The following KIDINS220 variants were observed in gnomAD, a reference collection of about 807,000 sequenced individuals.
KIDINS220 encodes the protein kinase D-interacting substrate of 220 kDa.
KIDINS220 carries 63 observed loss-of-function variants against 157.6 expected under a neutral mutation model. The ratio of observed to expected loss-of-function variants is 0.40; its 90% CI spans 0.33 to 0.49. KIDINS220 has a LOEUF of 0.49. Ranked by LOEUF, KIDINS220 falls within the 20% of genes least tolerant of loss-of-function variation. The pLI is 0.66. For missense variants in KIDINS220, 1,772 were observed against 2,171.2 expected (o/e 0.82, Z 3.65); for synonymous variants, 732 against 783.6 (o/e 0.93, Z 1.10).
At chr2:8,770,998 G>A (rs1670139905) in intron 21 of KIDINS220, among the ~76,000 whole-genome samples, 166 bp from the exon 22 acceptor site, 1 of 152,056 alleles carries the variant, frequency 6.6e-6, no homozygotes, top group Admixed American at 6.6e-5. Context: ...CCAAAGAGCT[G>A]CATTAAGTAA....
At chr2:8,746,890 T>C in intron 26 of KIDINS220, 3 of 430,626 alleles carry the variant, frequency 7.0e-6, no homozygotes, top group Non-Finnish European at 1.2e-5. Context: ...CCCTTCCTTA[T>C]TGAAGAATAA....
At chr2:8,793,742 T>G (rs1673518842) in intron 12 of KIDINS220, 68 bp downstream of exon 12, 3 of 1,421,002 alleles carry the variant, frequency 2.1e-6, no homozygotes, top group Admixed American at 4.8e-5. Flanking sequence ...CCTGGCCTTA[T>G]TTTCCATATT....
At chr2:8,794,115 T>G in intron 11 of KIDINS220, 128 bp from the exon 12 acceptor site, 1 of 642,544 alleles carries the variant, frequency 1.6e-6, no homozygotes, top group African/African-American at 1.9e-5. Flanking sequence ...AAAGCACATA[T>G]ATAATATGAA....
rs752601709 is a variant in KIDINS220, at chr2:8,731,177, T to C, written c.4859A>G (p.Asp1620Gly). The C allele has an allele frequency of 1.5e-5, 25 of 1,614,092 alleles. No individual in the cohort carries two copies. Among genetic ancestry groups the C allele is most frequent in the Non-Finnish European group, 2.0e-5 (24 of 1,180,056 alleles). The change falls in exon 30 of 30, where the codon GAC (aspartate) becomes GGC (glycine). Residue 1620 changes from aspartate (D) to glycine (G), a missense_variant. By Grantham distance (94) the Asp-to-Gly change is moderately conservative. Transcript: ENST00000256707. The surrounding 1 kb of genome is among the most constrained non-coding windows in gnomAD (Gnocchi z 5.2). ...EKANLIELED[D>G]SHSGKRGIPH... Reference sequence around the variant, plus strand: ...GATTCCCCGCTTTCCGCTGTGACTGTCATCTTCCAGCTCTATGAGATTTGC... The same window carrying C: ...GATTCCCCGCTTTCCGCTGTGACTGCCATCTTCCAGCTCTATGAGATTTGC...
rs993100216 is a variant in KIDINS220 at position 8,730,639 on chromosome 2, T to C, written c.*81A>G. On this transcript the variant is annotated 3_prime_UTR_variant, in exon 30 of 30. Transcript: ENST00000256707. ...TATCTGTCAGCAAAATGTAGAAAGG[T>C]GATGGGCGTGGATGGAGTCAAAATC... The C allele has an allele frequency of 4.1e-5, 61 of 1,503,766 alleles. No homozygotes were observed. Among genetic ancestry groups the C allele is most frequent in the Admixed American group, 3.2e-4 (14 of 43,540 alleles). The allele number at this position is 1,503,766 out of a possible 1,614,324, so 93.2% of individuals were successfully genotyped here.
At chr2:8,833,647 A>G (rs140433983) in intron 1 of KIDINS220, among the ~76,000 whole-genome samples, 112 of 152,278 alleles carry the variant, frequency 7.4e-4, no homozygotes, top group African/African-American at 2.6e-3. Context: ...ACAAGACACT[A>G]TATTTCTTGA....
At chr2:8,824,720 C>T (rs1308648839) in intron 2 of KIDINS220, among the ~76,000 whole-genome samples, 1 of 152,104 alleles carries the variant, frequency 6.6e-6, no homozygotes. Context: ...AATATTTGCA[C>T]ACCCATGCTT....
chr2:8,792,770 T>G (rs182943489), intron 12 of KIDINS220, among the ~76,000 whole-genome samples: 84 of 152,184 alleles, frequency 5.5e-4, no homozygotes, highest in Admixed American at 4.4e-3. Flanking sequence ...GAATTTACCC[T>G]AAGAAAATAA....
intron 20 of KIDINS220, among the ~76,000 whole-genome samples, 165 bp from the exon 21 acceptor site, chr2:8,777,057 G>A (rs894526272): frequency 3.9e-5 from 6 of 152,256 alleles, no homozygotes; most frequent in Admixed American, 2.6e-4. Flanking sequence ...TAGAATCTTC[G>A]TAAAGCAATT....
At position 8,736,922 on chromosome 2, in the gene KIDINS220, T is replaced by G. The variant is rs1323466518; in HGVS notation, c.3663A>C (p.Gln1221His). 1 of 1,614,214 alleles carries G rather than the reference T, an allele frequency of 6.2e-7. No homozygotes were observed. The highest frequency in any genetic ancestry group is 8.5e-7 in the Non-Finnish European group (1 of 1,180,028). ...GCATACTCTGGTCCAGCCCTTCTAT[T>G]TGTTTCAGCTTCTCACATACTGCAT... ...NVDAVCEKLK[Q>H]IEGLDQSMLP... Residue 1221 changes from glutamine to histidine, a missense_variant, in exon 27 of 30, where the codon CAA becomes CAC. This residue lies in a region of KIDINS220 where 793 missense variants were observed against 885.5 expected (regional missense o/e 0.90). Coordinates refer to ENST00000256707, the MANE Select transcript of KIDINS220 (RefSeq NM_020738.4).
intron 6 of KIDINS220, among the ~76,000 whole-genome samples, chr2:8,808,130 A>G (rs913472922): frequency 1.4e-5 from 2 of 147,044 alleles, no homozygotes; most frequent in African/African-American, 5.0e-5. Flanking sequence ...TCTCAAAAAG[A>G]AAAAAAAAAA....
At chr2:8,817,191 T>G (rs756421132) in intron 4 of KIDINS220, among the ~76,000 whole-genome samples, 1 of 152,202 alleles carries the variant, frequency 6.6e-6, no homozygotes, top group Non-Finnish European at 1.5e-5. Context: ...CATGCACAGA[T>G]AGCATGTCTG....
At chr2:8,809,509 AAAT>A (rs939140483) in intron 6 of KIDINS220, among the ~76,000 whole-genome samples, 1 of 151,520 alleles carries the variant, frequency 6.6e-6, no homozygotes, top group Non-Finnish European at 1.5e-5. Flanking sequence ...ATAATTAAGA[AAAT>A]AATAATTATT....
At chr2:8,772,243 A>G (rs1476044223) in intron 21 of KIDINS220, among the ~76,000 whole-genome samples, 2 of 152,184 alleles carry the variant, frequency 1.3e-5, no homozygotes, top group African/African-American at 4.8e-5. Context: ...TGGGAGGCAG[A>G]GGTGGGAGGA....
At chr2:8,792,778 T>G (rs1378193806) in intron 12 of KIDINS220, among the ~76,000 whole-genome samples, 1 of 152,042 alleles carries the variant, frequency 6.6e-6, no homozygotes, top group African/African-American at 2.4e-5. Flanking sequence ...CCTAAGAAAA[T>G]AATCCTAATT....
chr2:8,787,322 A>G (rs1327809929), intron 15 of KIDINS220, among the ~76,000 whole-genome samples: 3 of 150,710 alleles, frequency 2.0e-5, no homozygotes, highest in Non-Finnish European at 4.4e-5. Context: ...ATTTATTTTC[A>G]TCTTAAATTA....
At chr2:8,834,158 G>C (rs565311524) in intron 1 of KIDINS220, among the ~76,000 whole-genome samples, 22 of 152,200 alleles carry the variant, frequency 1.4e-4, no homozygotes, top group Non-Finnish European at 2.5e-4. Flanking sequence ...CTGGGCCTGG[G>C]TGGCAGCGCT....
intron 1 of KIDINS220, among the ~76,000 whole-genome samples, chr2:8,830,136 C>A (rs2148448287): frequency 6.6e-6 from 1 of 152,318 alleles, no homozygotes; most frequent in Non-Finnish European, 1.5e-5. Context: ...GATCACCCAA[C>A]CCCACACTCA....
intron 2 of KIDINS220, chr2:8,826,738 G>A (rs1335988394): frequency 7.6e-6 from 2 of 262,620 alleles, no homozygotes; most frequent in Non-Finnish European, 1.4e-5. Context: ...CAAGCTTCCT[G>A]AATATTAATT....
Sources: gnomAD v4.1 joint callset for allele counts (sites outside exome capture counted in the v4.1 genomes callset) on GRCh38, gnomAD v4.1.1 for gene constraint, gnomAD v4.1.1 regional missense constraint, Gnocchi (gnomAD v3.1) non-coding constraint, MANE v1.5 for transcripts, NCBI Gene and HGNC (gene_info 2026-07-23, HGNC 2026-07-21) for gene names.